The following ZNF638 variants were observed in gnomAD, a reference collection of about 807,000 sequenced individuals.
ZNF638 encodes the protein zinc finger protein 638, also known as CTCL tumor antigen se33-1.
In ZNF638, 46 loss-of-function variants were observed where a neutral mutation model predicts 195.6. That is an observed-to-expected ratio of 0.24 (90% CI 0.19 to 0.30). ZNF638 has a LOEUF of 0.30. Among genes scored for constraint, ZNF638 ranks in the 10% least tolerant of loss-of-function variants. ZNF638 has a pLI of 1.00. For synonymous variants in ZNF638, 845 were observed against 772.0 expected (o/e 1.09, Z -1.57); for missense variants, 2,440 against 2,325.3 (o/e 1.05, Z -1.01).
Position 71,364,049 on chromosome 2 carries a change from T to G in ZNF638, c.1514T>G (p.Phe505Cys), listed in dbSNP as rs748518769. Residue 505 changes from phenylalanine to cysteine, a missense_variant, in exon 5 of 28, where the codon TTC becomes TGC. Physicochemically the swap from Phe to Cys is radical, Grantham distance 205. This residue lies in a region of ZNF638 where 1,883 missense variants were observed against 1,739.1 expected (regional missense o/e 1.08). Coordinates refer to ENST00000264447, the MANE Select transcript of ZNF638 (RefSeq NM_014497.5). Reference sequence around the variant, plus strand: ...AGAAGATCAAGCTCAAGTCACAGATTCCGTCGGTCTCGAAGCCCAATGCAT... The same window carrying G: ...AGAAGATCAAGCTCAAGTCACAGATGCCGTCGGTCTCGAAGCCCAATGCAT... ...RSRRSSSSHR[F>C]RRSRSPMHYM... 3 of 1,614,054 alleles carry G rather than the reference T, an allele frequency of 1.9e-6. No homozygotes were observed. In the Admixed American group the frequency reaches 5.0e-5, roughly 27 times the overall value.
chr2:71,354,288 T>TA (rs1454180848), intron 2 of ZNF638, among the ~76,000 whole-genome samples: 1 of 152,144 alleles, frequency 6.6e-6, no homozygotes, highest in Non-Finnish European at 1.5e-5. Flanking sequence ...AACATACATA[T>TA]TGCTTTTAAC....
chr2:71,397,520 T>C (rs2079917950), intron 11 of ZNF638, among the ~76,000 whole-genome samples: 1 of 152,256 alleles, frequency 6.6e-6, no homozygotes, highest in Non-Finnish European at 1.5e-5. Flanking sequence ...TTTAAAAGTA[T>C]GATTGTATTC....
intron 6 of ZNF638, among the ~76,000 whole-genome samples, 154 bp from the exon 7 acceptor site, chr2:71,368,228 G>A (rs1461868823): frequency 6.6e-6 from 1 of 152,184 alleles, no homozygotes; most frequent in South Asian, 2.1e-4. Context: ...ATGCGTAAAG[G>A]AGGTGGTGAA....
chr2:71,342,455 C>G (rs2078777966), intron 1 of ZNF638, among the ~76,000 whole-genome samples: 1 of 152,110 alleles, frequency 6.6e-6, no homozygotes, highest in Admixed American at 6.6e-5. Flanking sequence ...TAAAGAAAAT[C>G]TCAGACACAT....
intron 3 of ZNF638, among the ~76,000 whole-genome samples, chr2:71,357,119 A>G (rs190322476): frequency 2.0e-5 from 3 of 152,268 alleles, no homozygotes; most frequent in Admixed American, 6.5e-5. Context: ...GGTTCTGAGA[A>G]TATATGCCTC....
At chr2:71,381,560 A>C (rs2670717) in intron 10 of ZNF638, among the ~76,000 whole-genome samples, 1 of 151,980 alleles carries the variant, frequency 6.6e-6, no homozygotes, top group Non-Finnish European at 1.5e-5. Flanking sequence ...ACAAAGTTCA[A>C]TTATTCTATT....
chr2:71,429,410 CT>C (rs201878040), intron 25 of ZNF638, among the ~76,000 whole-genome samples: 2 of 152,142 alleles, frequency 1.3e-5, no homozygotes, highest in Non-Finnish European at 1.5e-5. Context: ...GTAAAATTAG[CT>C]TTCCCCCCCT....
At chr2:71,406,956 C>T (rs571854985) in intron 19 of ZNF638, among the ~76,000 whole-genome samples, 3 of 152,228 alleles carry the variant, frequency 2.0e-5, no homozygotes, top group South Asian at 2.1e-4. Context: ...GCTGTGTTCA[C>T]GCCACCACAC....
At chr2:71,332,573 A>G (rs1421076870) in intron 1 of ZNF638, among the ~76,000 whole-genome samples, 1 of 152,212 alleles carries the variant, frequency 6.6e-6, no homozygotes, top group African/African-American at 2.4e-5. Context: ...AGTATTTCCA[A>G]ATTTCTCAGA....
chr2:71,401,151 G>C (rs751690037), intron 15 of ZNF638, among the ~76,000 whole-genome samples: 1 of 152,094 alleles, frequency 6.6e-6, no homozygotes, highest in Non-Finnish European at 1.5e-5. Flanking sequence ...CCAATTTAGT[G>C]TAAAGTCACA....
At chr2:71,338,730 A>G (rs1257684085) in intron 1 of ZNF638, among the ~76,000 whole-genome samples, 2 of 152,188 alleles carry the variant, frequency 1.3e-5, no homozygotes, top group Admixed American at 1.3e-4. Context: ...ATAGTGGTTT[A>G]TAAGTTCTTG....
chr2:71,389,024 A>T (rs1287791740), intron 10 of ZNF638, among the ~76,000 whole-genome samples: 3 of 152,148 alleles, frequency 2.0e-5, no homozygotes, highest in Non-Finnish European at 4.4e-5. Flanking sequence ...TAACATCTTT[A>T]ACCTTATGGG....
In ZNF638 at chr2:71,405,593, C is replaced by G; in HGVS notation, c.2959-8C>G. The G allele has an allele frequency of 1.3e-6, 2 of 1,550,428 alleles. No homozygotes were observed. Among genetic ancestry groups the G allele is most frequent in the African/African-American group, 1.4e-5 (1 of 71,966 alleles). ...TACCATCAACCTTTATCTATTTTTG[C>G]TTTTTAGGAAGCTATATTTATAACC... On this transcript the variant is annotated splice_polypyrimidine_tract_variant and splice_region_variant and intron_variant, in intron 17 of 27. Transcript: ENST00000264447.
At chr2:71,370,769 A>G (rs1414815848) in intron 8 of ZNF638, among the ~76,000 whole-genome samples, 8 of 152,220 alleles carry the variant, frequency 5.3e-5, no homozygotes, top group Non-Finnish European at 7.3e-5. Flanking sequence ...TGCAGTGTGT[A>G]ATAATCACAT....
Position 71,364,312 on chromosome 2 carries a change from T to G in ZNF638, c.1717+60T>G, listed in dbSNP as rs1260969310. On this transcript the variant is annotated intron_variant, in intron 5 of 27. Coordinates refer to ENST00000264447, the MANE Select transcript of ZNF638 (RefSeq NM_014497.5). ...ATTTTGACTAAATTTTTAAATGTCT[T>G]TCTTTTTGGATTTTGAGAAATGTTC... is the stretch of plus-strand genomic sequence containing the variant. 31 of 1,502,424 alleles carry G rather than the reference T, an allele frequency of 2.1e-5. No individual in the cohort carries two copies. In the East Asian group the frequency reaches 5.2e-4, roughly 25 times the overall value. The allele number at this position is 1,502,424 out of a possible 1,614,324, so 93.1% of individuals were successfully genotyped here.
chr2:71,343,748 T>C (rs1238584016), intron 1 of ZNF638, among the ~76,000 whole-genome samples: 1 of 152,106 alleles, frequency 6.6e-6, no homozygotes. Context: ...ACTCTTATAG[T>C]TTGAATTTGA....
intron 8 of ZNF638, chr2:71,375,316 G>A (rs1456390736): frequency 6.6e-6 from 1 of 152,210 alleles, no homozygotes; most frequent in Non-Finnish European, 1.5e-5. Context: ...ACAGAAATCT[G>A]CATGTAGGTG....
intron 2 of ZNF638, among the ~76,000 whole-genome samples, chr2:71,350,985 T>C (rs2078930567): frequency 6.6e-6 from 1 of 152,218 alleles, no homozygotes; most frequent in African/African-American, 2.4e-5. Context: ...TGTACTATAA[T>C]GTAGAACATA....
At chr2:71,399,525 C>T in intron 12 of ZNF638, 34 bp from the exon 13 acceptor site, 1 of 1,468,826 alleles carries the variant, frequency 6.8e-7, no homozygotes. Flanking sequence ...TTTAACAAGA[C>T]CTTTAGAATA....
Sources: gnomAD v4.1 joint callset for allele counts (sites outside exome capture counted in the v4.1 genomes callset) on GRCh38, gnomAD v4.1.1 for gene constraint, gnomAD v4.1.1 regional missense constraint, MANE v1.5 for transcripts, NCBI Gene and HGNC (gene_info 2026-07-23, HGNC 2026-07-21) for gene names.